ZCWPW1: variants seen among roughly 807,000 people sequenced by gnomAD.
ZCWPW1 encodes the protein zinc finger CW-type PWWP domain protein 1.
ZCWPW1 carries 56 observed loss-of-function variants against 81.3 expected under a neutral mutation model. The ratio of observed to expected loss-of-function variants is 0.69; its 90% CI spans 0.56 to 0.86. The LOEUF (loss-of-function observed/expected upper bound fraction) is 0.86. ZCWPW1 is among the 40% of genes least tolerant of loss of function. ZCWPW1 has a pLI of 0.00. For missense variants in ZCWPW1, 650 were observed against 769.8 expected, an observed-to-expected ratio of 0.84 and a Z score of 1.84; for synonymous variants, 250 against 273.7, an observed-to-expected ratio of 0.91 and a Z score of 0.86.
chr7:100,424,069 T>C (rs1467207114), intron 2 of ZCWPW1, among the ~76,000 whole-genome samples: 3 of 94,624 alleles, frequency 3.2e-5, no homozygotes, highest in Non-Finnish European at 6.3e-5. Context: ...AAACTCCGTC[T>C]CAAAAAAAAA....
intron 4 of ZCWPW1, among the ~76,000 whole-genome samples, chr7:100,419,390 G>A (rs1224864927): frequency 6.6e-6 from 1 of 151,996 alleles, no homozygotes; most frequent in East Asian, 1.9e-4. Context: ...AGTGTATAAT[G>A]TCTCTGTCTA....
At chr7:100,406,594 A>T in intron 12 of ZCWPW1, 100 bp downstream of exon 12, 1 of 1,131,598 alleles carries the variant, frequency 8.8e-7, no homozygotes, top group Non-Finnish European at 1.3e-6. Context: ...TCAGACACAG[A>T]ACTTTCTCCC....
In ZCWPW1 at chr7:100,401,969, A is replaced by G. The variant is rs200816906; in HGVS notation, c.1547T>C (p.Leu516Pro). The change falls in exon 17 of 18, where the codon CTA becomes CCA. Residue 516 changes from leucine to proline, a missense_variant. Coordinates refer to ENST00000684423, the MANE Select transcript of ZCWPW1 (RefSeq NM_001386010.1). ...TLQRKIMKRS[L>P]GRKSTAPPAP... is the part of the protein sequence containing the mutation. ...AGGAGGAGCTGTGGATTTCCTGCCT[A>G]GAGATCTCTTCATTATCTTCCTCTG... 35 of 1,613,796 alleles carry G rather than the reference A, an allele frequency of 2.2e-5. No homozygotes were observed. In the African/African-American group the frequency reaches 2.5e-4, roughly 12 times the overall value.
At position 100,403,771 on chromosome 7, in the gene ZCWPW1, C is replaced by A; in HGVS notation, c.1336G>T (p.Gly446Cys). 1 of 1,613,982 alleles carries A rather than the reference C, an allele frequency of 6.2e-7. No homozygotes were observed. Residue 446 changes from glycine (G) to cysteine (C), a missense_variant, in exon 15 of 18, where the codon GGT becomes TGT. Physicochemically the swap from Gly to Cys is radical, Grantham distance 159. Transcript: ENST00000684423. ...AAGCAGGATCCTGGGCTGTTCAAAC[C>A]AGAGAGCTGTAAGTCTAGAACAGGA... ...NGERKDLQLS[G>C]LNSPGSCLEK...
At chr7:100,402,304 TA>T in intron 16 of ZCWPW1, 1 of 842,218 alleles carries the variant, frequency 1.2e-6, no homozygotes. Context: ...GCTAAGAAAT[TA>T]AAACCTTCCA....
Position 100,408,587 on chromosome 7 carries a change from G to A in ZCWPW1, c.944C>T (p.Ser315Phe). Reference sequence around the variant, plus strand: ...CCAGATGATGGATCCTGGGATGTAGGAGGCATAGGCCACATCACTCTCAAG... The same window carrying A: ...CCAGATGATGGATCCTGGGATGTAGAAGGCATAGGCCACATCACTCTCAAG... The part of the protein sequence containing the change: ...TGLESDVAYA[S>F]YIPGSIIWAK... The change falls in exon 10 of 18, where the codon TCC becomes TTC. Residue 315 changes from serine to phenylalanine, a missense_variant. Coordinates refer to ENST00000684423, the MANE Select transcript of ZCWPW1 (RefSeq NM_001386010.1). The A allele has an allele frequency of 6.2e-7, 1 of 1,614,078 alleles. No homozygotes were observed. Among genetic ancestry groups the A allele is most frequent in the Non-Finnish European group, 8.5e-7 (1 of 1,179,982 alleles).
chr7:100,402,928 T>C (rs1792223795), intron 15 of ZCWPW1, among the ~76,000 whole-genome samples: 1 of 152,136 alleles, frequency 6.6e-6, no homozygotes, highest in African/African-American at 2.4e-5. Flanking sequence ...TCCATGTCCA[T>C]GTAGGGGAGA....
chr7:100,424,117 A>T (rs1289252840), intron 2 of ZCWPW1, among the ~76,000 whole-genome samples: 1 of 152,058 alleles, frequency 6.6e-6, no homozygotes, highest in Non-Finnish European at 1.5e-5. Flanking sequence ...TGTAAAAAGA[A>T]TATTAATTTG....
intron 12 of ZCWPW1, among the ~76,000 whole-genome samples, chr7:100,405,636 T>G (rs912821645): frequency 6.6e-6 from 1 of 152,092 alleles, no homozygotes; most frequent in Non-Finnish European, 1.5e-5. Flanking sequence ...CCTAACTAGG[T>G]ATATGTATAT....
chr7:100,412,852 A>G (rs1289006025), intron 8 of ZCWPW1, among the ~76,000 whole-genome samples: 1 of 152,188 alleles, frequency 6.6e-6, no homozygotes, highest in Non-Finnish European at 1.5e-5. Context: ...AAGTGCTGGA[A>G]TTACAGGCAT....
intron 6 of ZCWPW1, 66 bp downstream of exon 6, chr7:100,417,000 T>A: frequency 8.8e-7 from 1 of 1,140,536 alleles, no homozygotes; most frequent in Non-Finnish European, 1.3e-6. Context: ...GACAGATAGA[T>A]AGACTGACTG....
intron 11 of ZCWPW1, 149 bp from the exon 12 acceptor site, chr7:100,406,947 C>T: frequency 2.7e-6 from 2 of 731,256 alleles, no homozygotes; most frequent in Non-Finnish European, 4.5e-6. Context: ...TCTACCCTAC[C>T]CTCGTTGCAA....
At chr7:100,407,575 C>T (rs925728278) in intron 10 of ZCWPW1, among the ~76,000 whole-genome samples, 4 of 151,866 alleles carry the variant, frequency 2.6e-5, no homozygotes, top group African/African-American at 9.7e-5. Context: ...TTATTTTTTG[C>T]AGAGATGGGG....
chr7:100,413,223 C>T (rs1404115863), intron 8 of ZCWPW1, among the ~76,000 whole-genome samples: 1 of 152,232 alleles, frequency 6.6e-6, no homozygotes, highest in African/African-American at 2.4e-5. Flanking sequence ...TCCCCCTGCA[C>T]TTAGGATAAA....
chr7:100,407,383 C>G (rs1793255858), intron 10 of ZCWPW1, 80 bp from the exon 11 acceptor site: 1 of 1,236,146 alleles, frequency 8.1e-7, no homozygotes, highest in Admixed American at 2.1e-5. Context: ...TGTACATGCA[C>G]AGAGAAGAGC....
intron 14 of ZCWPW1, 105 bp from the exon 15 acceptor site, chr7:100,403,890 A>G: frequency 8.2e-7 from 1 of 1,218,668 alleles, no homozygotes; most frequent in Non-Finnish European, 1.2e-6. Context: ...CCTTTTGTGT[A>G]CAAGTGGTAT....
At position 100,402,056 on chromosome 7, in the gene ZCWPW1, A is replaced by G; in HGVS notation, c.1475-15T>C. ...ACCCCCAAGCCCTAGCCGTGAGGGA[A>G]ATGCGTTTATTTCTCTCTAAACGAC... is the stretch of plus-strand genomic sequence containing the variant. On this transcript the variant is annotated splice_polypyrimidine_tract_variant and intron_variant, in intron 16 of 17. Transcript: ENST00000684423. The G allele has an allele frequency of 6.3e-7, 1 of 1,595,376 alleles. No homozygotes were observed. The highest frequency in any genetic ancestry group is 1.1e-5 in the South Asian group (1 of 89,034).
chr7:100,401,567 A>C (rs976256208), intron 17 of ZCWPW1, among the ~76,000 whole-genome samples: 8 of 152,356 alleles, frequency 5.3e-5, no homozygotes, highest in East Asian at 3.9e-4. Flanking sequence ...TCTAATATCT[A>C]AAATGGGAAT....
chr7:100,415,997 T>C lies in ZCWPW1; in HGVS notation c.732A>G (p.Gln244=). 1 of 1,614,194 alleles carries C rather than the reference T, an allele frequency of 6.2e-7. No homozygotes were observed. The highest frequency in any genetic ancestry group is 2.2e-5 in the East Asian group (1 of 44,886). Residue 244 remains glutamine (Q), a synonymous_variant, in exon 8 of 18, where the codon CAA becomes CAG. Transcript: ENST00000684423. ...CACCAAAACCACTTATCTCTCCTTTTTGCTGGTCCCTGATCTGAGAATGAT... is the reference window on the plus strand; with the variant it reads ...CACCAAAACCACTTATCTCTCCTTTCTGCTGGTCCCTGATCTGAGAATGAT... The part of the protein sequence containing the change: ...VQDHSQIRDQ[Q]KGEISGFGQC...
Sources: allele counts gnomAD v4.1 joint callset (sites outside exome capture counted in the v4.1 genomes callset), GRCh38; gene constraint gnomAD v4.1.1; transcripts MANE v1.5; gene names NCBI Gene and HGNC (gene_info 2026-07-23, HGNC 2026-07-21).